Variants in ANO10 observed in about 807,000 individuals in gnomAD.
The protein encoded by ANO10 is anoctamin 10, also known as anoctamin-10.
ANO10 carries 77 observed loss-of-function variants against 74.7 expected under a neutral mutation model. The observed-to-expected ratio is 1.03, with a 90% CI of 0.86 to 1.25. The LOEUF (loss-of-function observed/expected upper bound fraction) is 1.25, where lower values mean the gene tolerates loss of function less well. ANO10 is among the 50% of genes most tolerant of loss of function. ANO10 has a pLI of 0.00. For synonymous variants in ANO10, 279 were observed against 284.9 expected, an observed-to-expected ratio of 0.98 and a Z score of 0.21; for missense variants, 721 against 778.1, an observed-to-expected ratio of 0.93 and a Z score of 0.87.
At chr3:43,687,289 G>C (rs2084287915) in intron 1 of ANO10, among the ~76,000 whole-genome samples, 1 of 152,158 alleles carries the variant, frequency 6.6e-6, no homozygotes, top group Non-Finnish European at 1.5e-5. Flanking sequence ...TTACAAAGCA[G>C]CCAGGCCATT....
intron 4 of ANO10, among the ~76,000 whole-genome samples, chr3:43,589,984 GGGAACAAAGGGATTT>G (rs2081651801): frequency 6.6e-6 from 1 of 152,144 alleles, no homozygotes; most frequent in Non-Finnish European, 1.5e-5. Flanking sequence ...ATAATAGGGA[GGGAACAAAGGGATTT>G]GGAACATGGG....
intron 4 of ANO10, among the ~76,000 whole-genome samples, chr3:43,593,158 A>G (rs1317724750): frequency 6.6e-6 from 1 of 152,238 alleles, no homozygotes; most frequent in African/African-American, 2.4e-5. Flanking sequence ...AGTGACGGAG[A>G]GAATGGAAAC....
intron 11 of ANO10, among the ~76,000 whole-genome samples, chr3:43,490,036 A>G (rs1157659598): frequency 1.3e-5 from 2 of 152,186 alleles, no homozygotes; most frequent in African/African-American, 4.8e-5. Context: ...AAGTCCTTGA[A>G]TATTATTTCT....
At chr3:43,691,090 C>G in intron 1 of ANO10, 1 of 1,497,302 alleles carries the variant, frequency 6.7e-7, no homozygotes, top group African/African-American at 1.4e-5. Context: ...GCACCCTCCG[C>G]GCGGGCCGGG....
chr3:43,530,056 A>G (rs934094033), intron 11 of ANO10, among the ~76,000 whole-genome samples: 2 of 152,184 alleles, frequency 1.3e-5, no homozygotes, highest in Admixed American at 1.3e-4. Context: ...TGATTCAGAA[A>G]GGCGAAAACT....
At chr3:43,464,615 G>C (rs1222675876) in intron 11 of ANO10, among the ~76,000 whole-genome samples, 2 of 152,124 alleles carry the variant, frequency 1.3e-5, no homozygotes, top group Non-Finnish European at 2.9e-5. Context: ...AGAGGTTGAG[G>C]TTGCAGTGAG....
At chr3:43,541,534 T>C (rs2078954883) in intron 11 of ANO10, among the ~76,000 whole-genome samples, 1 of 152,192 alleles carries the variant, frequency 6.6e-6, no homozygotes, top group African/African-American at 2.4e-5. Context: ...GTTTTCTTAG[T>C]ATACTTCTCA....
chr3:43,652,006 T>G (rs1013714208), intron 1 of ANO10, among the ~76,000 whole-genome samples: 1 of 152,118 alleles, frequency 6.6e-6, no homozygotes, highest in Non-Finnish European at 1.5e-5. Context: ...AGATCTAAAT[T>G]AACAGAAATA....
chr3:43,620,243 A>G (rs568282988), intron 1 of ANO10, among the ~76,000 whole-genome samples: 1 of 152,356 alleles, frequency 6.6e-6, no homozygotes, highest in East Asian at 1.9e-4. Flanking sequence ...ATGTTTAAGA[A>G]GAATTTGATC....
Position 43,582,683 on chromosome 3 carries a change from G to A in ANO10, c.473-2211C>T, listed in dbSNP as rs1364541366. On this transcript the variant is annotated intron_variant, in intron 4 of 12. Coordinates refer to ENST00000292246, the MANE Select transcript of ANO10 (RefSeq NM_018075.5). The stretch of plus-strand genomic sequence containing the variant: ...ACAATTATATTTTCATAAGTTACAC[G>A]AGGAGAAAAGTTTTTAAAAGCTAGG... Among the ~76,000 whole-genome samples the A allele has an allele frequency of 3.9e-5, 6 of 152,270 alleles. No homozygotes were observed. In the South Asian group the frequency reaches 1.2e-3, roughly 32 times the overall value.
intron 1 of ANO10, among the ~76,000 whole-genome samples, chr3:43,648,041 G>C (rs2083745193): frequency 6.6e-6 from 1 of 152,102 alleles, no homozygotes; most frequent in Non-Finnish European, 1.5e-5. Context: ...CCTCCATCTA[G>C]GTTACTTGTT....
intron 1 of ANO10, among the ~76,000 whole-genome samples, chr3:43,668,438 C>A (rs1477668904): frequency 6.6e-6 from 1 of 152,024 alleles, no homozygotes; most frequent in Non-Finnish European, 1.5e-5. Flanking sequence ...AATTAGGTTC[C>A]ATTTTTTAAT....
At chr3:43,422,092 A>G (rs906203461) in intron 12 of ANO10, among the ~76,000 whole-genome samples, 1 of 152,160 alleles carries the variant, frequency 6.6e-6, no homozygotes, top group African/African-American at 2.4e-5. Flanking sequence ...TAACTTTAAA[A>G]AAGAATACAT....
intron 1 of ANO10, among the ~76,000 whole-genome samples, chr3:43,661,353 G>C (rs1320942654): frequency 6.6e-6 from 1 of 152,200 alleles, no homozygotes; most frequent in East Asian, 1.9e-4. Context: ...ACGAGCAAAT[G>C]CTGAAAGATT....
intron 11 of ANO10, among the ~76,000 whole-genome samples, chr3:43,529,588 T>C (rs2078365980): frequency 6.6e-6 from 1 of 152,114 alleles, no homozygotes; most frequent in African/African-American, 2.4e-5. Flanking sequence ...TAAACCTATC[T>C]AGAACTAAAA....
chr3:43,451,598 G>T (rs1017756633), intron 11 of ANO10, among the ~76,000 whole-genome samples: 1 of 151,792 alleles, frequency 6.6e-6, no homozygotes, highest in African/African-American at 2.4e-5. Flanking sequence ...CTTTGTCTAG[G>T]TGGTGGTGGT....
intron 2 of ANO10, among the ~76,000 whole-genome samples, chr3:43,600,940 T>C (rs1387183912): frequency 6.6e-6 from 1 of 152,130 alleles, no homozygotes; most frequent in Non-Finnish European, 1.5e-5. Context: ...AGAAAATTAA[T>C]TTGGAACAAA....
intron 1 of ANO10, among the ~76,000 whole-genome samples, chr3:43,681,647 C>A (rs996948107): frequency 1.3e-5 from 2 of 152,220 alleles, no homozygotes; most frequent in Admixed American, 1.3e-4. Context: ...CACCATACCA[C>A]ACCTATTCCA....
At chr3:43,407,760 C>T (rs1207549236) in intron 12 of ANO10, among the ~76,000 whole-genome samples, 1 of 152,096 alleles carries the variant, frequency 6.6e-6, no homozygotes, top group Non-Finnish European at 1.5e-5. Context: ...GAGAAATTGT[C>T]CAGGAGGAAA....
Sources: allele counts gnomAD v4.1 joint callset (sites outside exome capture counted in the v4.1 genomes callset), GRCh38; gene constraint gnomAD v4.1.1; transcripts MANE v1.5; gene names NCBI Gene and HGNC (gene_info 2026-07-23, HGNC 2026-07-21).